Variants in RIC3 observed in about 807,000 individuals in gnomAD.
RIC3 encodes protein RIC-3.
Under a neutral mutation model 27.3 loss-of-function variants are expected in RIC3, and 28 were observed. That is an observed-to-expected ratio of 1.02 (90% confidence interval 0.76 to 1.41). The LOEUF (loss-of-function observed/expected upper bound fraction) is 1.41, where lower values mean the gene tolerates loss of function less well. Among genes scored for constraint, RIC3 ranks in the 40% most tolerant of loss-of-function variants. RIC3 has a pLI of 0.00. For missense variants in RIC3, 501 were observed against 444.7 expected (o/e 1.13, Z -1.14); for synonymous variants, 184 against 160.4 (o/e 1.15, Z -1.11).
At chr11:8,159,325 T>C (rs543494176) in intron 1 of RIC3, among the ~76,000 whole-genome samples, 105 of 152,262 alleles carry the variant, frequency 6.9e-4, no homozygotes, top group African/African-American at 2.5e-3. Flanking sequence ...GAAGCCAGTG[T>C]GGCCACAACA....
the RIC3 span, chr11:8,094,306 C>T: frequency 2.3e-6 from 3 of 1,301,158 alleles, no homozygotes; most frequent in Middle Eastern, 2.6e-4. Context: ...TCAGGGAAGA[C>T]ACAGACTGCC....
intron 1 of RIC3, among the ~76,000 whole-genome samples, chr11:8,158,539 G>T (rs1282127429): frequency 1.3e-5 from 2 of 151,686 alleles, no homozygotes; most frequent in African/African-American, 4.8e-5. Context: ...CAACTGACAA[G>T]TTCTTGACCA....
chr11:8,156,996 A>G (rs1398428853), intron 1 of RIC3, among the ~76,000 whole-genome samples: 1 of 152,186 alleles, frequency 6.6e-6, no homozygotes, highest in Non-Finnish European at 1.5e-5. Context: ...CTAACATCTA[A>G]AAGTTGGCCT....
At chr11:8,127,376 G>A (rs757620485) in intron 4 of RIC3, among the ~76,000 whole-genome samples, 1 of 152,078 alleles carries the variant, frequency 6.6e-6, no homozygotes, top group East Asian at 1.9e-4. Flanking sequence ...AGGAAACTGG[G>A]GTCCACAGAG....
intron 4 of RIC3, among the ~76,000 whole-genome samples, chr11:8,127,526 C>T (rs544513314): frequency 6.6e-6 from 1 of 152,294 alleles, no homozygotes; most frequent in African/African-American, 2.4e-5. Context: ...GTTTGAATCC[C>T]AACTTACTTG....
At chr11:8,142,076 A>T (rs1245889849) in intron 1 of RIC3, among the ~76,000 whole-genome samples, 1 of 149,886 alleles carries the variant, frequency 6.7e-6, no homozygotes, top group Non-Finnish European at 1.5e-5. Flanking sequence ...AGAAAGCAGG[A>T]AAGATCCAAA....
chr11:8,134,267 T>C (rs1948096175), intron 4 of RIC3, among the ~76,000 whole-genome samples: 1 of 152,192 alleles, frequency 6.6e-6, no homozygotes, highest in Non-Finnish European at 1.5e-5. Flanking sequence ...ATCCTTGCAA[T>C]AGTTTGCTGA....
At position 8,110,515 on chromosome 11, in the gene RIC3, G is replaced by A. The variant is rs766199892; in HGVS notation, c.*183C>T. On this transcript the variant is annotated 3_prime_UTR_variant, in exon 6 of 6. Transcript: ENST00000309737. Reference sequence around the variant, plus strand: ...CTGTCCTGTGTTCACACTAATGTCCGTGTTTTACAAGGTGACAGGTGTGTG... The same window carrying A: ...CTGTCCTGTGTTCACACTAATGTCCATGTTTTACAAGGTGACAGGTGTGTG... The A allele has an allele frequency of 1.5e-5, 10 of 686,690 alleles. No individual in the cohort carries two copies. Among genetic ancestry groups the A allele is most frequent in the Admixed American group, 4.1e-5 (2 of 48,686 alleles). The allele number at this position is 686,690 out of a possible 1,614,324, so 42.5% of individuals were successfully genotyped here.
At chr11:8,124,790 T>C (rs751310374) in intron 5 of RIC3, among the ~76,000 whole-genome samples, 19 of 152,136 alleles carry the variant, frequency 1.2e-4, no homozygotes, top group Non-Finnish European at 2.1e-4. Flanking sequence ...AGCTGAACAA[T>C]TGGGTATTTG....
At chr11:8,127,568 A>G (rs891718112) in intron 4 of RIC3, among the ~76,000 whole-genome samples, 8 of 152,212 alleles carry the variant, frequency 5.3e-5, no homozygotes, top group African/African-American at 1.9e-4. Flanking sequence ...CAAAAATAAC[A>G]TGAGACTCAA....
At chr11:8,136,625 C>G (rs1406491716) in intron 4 of RIC3, among the ~76,000 whole-genome samples, 2 of 152,214 alleles carry the variant, frequency 1.3e-5, no homozygotes, top group Non-Finnish European at 2.9e-5. Flanking sequence ...TGGCTCTTAA[C>G]ATCTAATTTA....
chr11:8,109,377 C>T lies in RIC3; in HGVS notation c.*1321G>A, dbSNP rs1257983665. ...AGGTCTTACATGTAAACTGAATTCA[C>T]ACATACCTCATGATGTAATTCATGG... is the stretch of plus-strand genomic sequence containing the variant. On this transcript the variant is annotated 3_prime_UTR_variant, in exon 6 of 6. Coordinates refer to ENST00000309737, the MANE Select transcript of RIC3 (RefSeq NM_001206671.4). 6.6e-6 allele frequency: 1 copy of T among 152,176 alleles called. No homozygotes were observed. The highest frequency in any genetic ancestry group is 1.9e-4 in the East Asian group (1 of 5,198). The allele number at this position is 152,176 out of a possible 1,614,324, so 9.4% of individuals were successfully genotyped here. A position where few individuals can be genotyped will look rare whatever the true frequency, so the allele number is the denominator to read the frequency against.
In RIC3 at chr11:8,164,781, CAAAAAAAAAA is replaced by C. The variant is rs199958835; in HGVS notation, c.124+4075_124+4084del. On this transcript the variant is annotated intron_variant, in intron 1 of 5. Transcript: ENST00000309737. Reference sequence around the variant, plus strand: ...CACCAGAGTGAGACCCTGTCTCTCTCAAAAAAAAAAAAAAAAAAAAAAAAAAGACAAGTAA... The same window carrying C: ...CACCAGAGTGAGACCCTGTCTCTCTCAAAAAAAAAAAAAAAAGACAAGTAA... Among the ~76,000 whole-genome samples, 607 of 84,244 alleles carry C rather than the reference CAAAAAAAAAA, an allele frequency of 7.2e-3. 6 individuals are homozygous for C. The highest frequency in any genetic ancestry group is 0.022 in the African/African-American group (577 of 26,256). The allele number at this position is 84,244 out of a possible 152,430, so 55.3% of individuals were successfully genotyped here.
chr11:8,096,467 A>G, the RIC3 span, among the ~76,000 whole-genome samples: 3 of 152,268 alleles, frequency 2.0e-5, no homozygotes, highest in East Asian at 5.8e-4. Context: ...GCCCCGGCTC[A>G]TGTGTGTACC....
chr11:8,101,630 G>T (rs149559720), downstream of RIC3: 35 of 1,613,706 alleles, frequency 2.2e-5, no homozygotes, highest in Non-Finnish European at 2.7e-5. Context: ...AGGCCTCTTC[G>T]TGCCCTTTGG....
intron 4 of RIC3, among the ~76,000 whole-genome samples, chr11:8,137,071 C>A (rs1364633366): frequency 6.6e-6 from 1 of 152,312 alleles, no homozygotes; most frequent in Non-Finnish European, 1.5e-5. Flanking sequence ...ATTGCCCAGG[C>A]TGGAGTGCAA....
intron 1 of RIC3, among the ~76,000 whole-genome samples, chr11:8,145,671 C>A (rs1268928260): frequency 6.6e-6 from 1 of 151,774 alleles, no homozygotes; most frequent in Non-Finnish European, 1.5e-5. Context: ...GGAGGTGTTA[C>A]ATCAATTTTC....
Position 8,107,706 on chromosome 11 carries a change from T to C in RIC3, c.*2992A>G, listed in dbSNP as rs1379777187. On this transcript the variant is annotated 3_prime_UTR_variant, in exon 6 of 6. Transcript: ENST00000309737. ...GCTAGTCATGGAGATAATGGTTTCT[T>C]TGTGCTCCTGTTGTGACCAGGAAAG... is the stretch of plus-strand genomic sequence containing the variant. 3 of 152,194 alleles carry C rather than the reference T, an allele frequency of 2.0e-5. No homozygotes were observed. Among genetic ancestry groups the C allele is most frequent in the African/African-American group, 7.2e-5 (3 of 41,424 alleles). The allele number at this position is 152,194 out of a possible 1,614,324, so 9.4% of individuals were successfully genotyped here. A position where few individuals can be genotyped will look rare whatever the true frequency, so the allele number is the denominator to read the frequency against.
chr11:8,098,849 C>T, the RIC3 span: 27 of 1,613,926 alleles, frequency 1.7e-5, no homozygotes, highest in Non-Finnish European at 2.2e-5. Flanking sequence ...TGGAACCTTA[C>T]GTCAGGAGCT....
Sources: gnomAD v4.1 joint callset for allele counts (sites outside exome capture counted in the v4.1 genomes callset) on GRCh38, gnomAD v4.1.1 for gene constraint, MANE v1.5 for transcripts, NCBI Gene and HGNC (gene_info 2026-07-23, HGNC 2026-07-21) for gene names.